The following WDPCP variants were observed in gnomAD, a reference collection of about 807,000 sequenced individuals.
WDPCP encodes WD repeat containing planar cell polarity effector.
Under a neutral mutation model 93.1 loss-of-function variants are expected in WDPCP, and 71 were observed. The ratio of observed to expected loss-of-function variants is 0.76; its 90% CI spans 0.63 to 0.93. The LOEUF is 0.93. Among genes scored for constraint, WDPCP ranks in the 40% least tolerant of loss-of-function variants. The pLI, the probability that WDPCP is intolerant of heterozygous loss-of-function variation, is 0.00. For missense variants in WDPCP, 844 were observed against 887.4 expected (o/e 0.95, Z 0.62); for synonymous variants, 315 against 315.0 (o/e 1.00, Z 0.00).
intron 3 of WDPCP, chr2:63,642,930 C>G (rs1008931525): frequency 2.0e-5 from 3 of 152,198 alleles, no homozygotes; most frequent in Non-Finnish European, 2.9e-5. Flanking sequence ...AGTTTTTCCC[C>G]ATTTAGTATG....
At chr2:63,125,003 C>T (rs1416292464) in intron 17 of WDPCP, among the ~76,000 whole-genome samples, 1 of 152,124 alleles carries the variant, frequency 6.6e-6, no homozygotes, top group East Asian at 1.9e-4. Flanking sequence ...GCTAGTGGTC[C>T]ACCCTATGTG....
At chr2:63,137,681 G>T (rs1670722876) in intron 17 of WDPCP, among the ~76,000 whole-genome samples, 1 of 152,076 alleles carries the variant, frequency 6.6e-6, no homozygotes, top group Non-Finnish European at 1.5e-5. Flanking sequence ...GGTTTTTATA[G>T]TTTTGGGTTT....
In WDPCP at chr2:63,340,457, T is replaced by C. The variant is rs1688759661; in HGVS notation, c.1749-27146A>G. 2.0e-5 allele frequency among the ~76,000 whole-genome samples: 3 copies of C among 152,202 alleles called. No individual in the cohort carries two copies. The South Asian group carries it at 6.2e-4, about 31-fold the overall frequency. ...GGATAGTAGTCCTGCCTACCTACTC[T>C]GTCTCTGCCTCTCCTAAGGGATATT... On this transcript the variant is annotated intron_variant, in intron 12 of 17. Coordinates refer to ENST00000272321, the MANE Select transcript of WDPCP (RefSeq NM_015910.7).
chr2:63,219,214 T>C (rs1677609936), intron 14 of WDPCP, among the ~76,000 whole-genome samples: 1 of 152,208 alleles, frequency 6.6e-6, no homozygotes, highest in Non-Finnish European at 1.5e-5. Flanking sequence ...AGTAGAGGTA[T>C]TATAACCTGA....
At chr2:63,529,943 T>C (rs368956815) in intron 1 of WDPCP, among the ~76,000 whole-genome samples, 42 of 152,280 alleles carry the variant, frequency 2.8e-4, no homozygotes, top group Admixed American at 7.8e-4. Flanking sequence ...TGTATGTGTC[T>C]AGGAATTTAT....
Position 63,621,868 on chromosome 2 carries a change from T to G in WDPCP, n.488+28791A>C, listed in dbSNP as rs1220847657. ...AGCCAGAAGAGGCTGGGGGCCAATA[T>G]TCAACATTCTTTTTTTTTTTTATTA... On this transcript the variant is annotated intron_variant and non_coding_transcript_variant, in intron 3 of 4. Transcript: ENST00000467687. 3.6e-5 allele frequency among the ~76,000 whole-genome samples: 3 copies of G among 82,904 alleles called. No individual in the cohort carries two copies. In the South Asian group the frequency reaches 1.5e-3, roughly 42 times the overall value. The allele number at this position is 82,904 out of a possible 152,430, so 54.4% of individuals were successfully genotyped here. A position where few individuals can be genotyped will look rare whatever the true frequency, so the allele number is the denominator to read the frequency against.
intron 12 of WDPCP, among the ~76,000 whole-genome samples, chr2:63,347,713 T>A (rs1689289730): frequency 7.0e-6 from 1 of 141,900 alleles, no homozygotes; most frequent in African/African-American, 2.7e-5. Context: ...AGAAATAACT[T>A]CTGAGAGGGG....
At chr2:63,176,312 C>T (rs1360405448) in intron 14 of WDPCP, among the ~76,000 whole-genome samples, 1 of 152,108 alleles carries the variant, frequency 6.6e-6, no homozygotes, top group Non-Finnish European at 1.5e-5. Flanking sequence ...GTATCACAAT[C>T]ATGGCTCACT....
chr2:63,829,902 C>T (rs1182306928), upstream of WDPCP, among the ~76,000 whole-genome samples: 1 of 151,658 alleles, frequency 6.6e-6, no homozygotes, highest in Non-Finnish European at 1.5e-5. Context: ...GAAATGTAAG[C>T]CGTGTTATTA....
At chr2:63,705,454 C>T (rs111723912) in intron 2 of WDPCP, among the ~76,000 whole-genome samples, 2,546 of 152,036 alleles carry the variant, frequency 0.017, 22 homozygotes, top group African/African-American at 0.018. Context: ...AATTTCCCTC[C>T]TCACACTGCT....
intron 15 of WDPCP, among the ~76,000 whole-genome samples, chr2:63,164,088 G>C (rs575896350): frequency 6.6e-6 from 1 of 152,086 alleles, no homozygotes; most frequent in Non-Finnish European, 1.5e-5. Context: ...AGGTTTATTT[G>C]TTCTACAATA....
intron 3 of WDPCP, among the ~76,000 whole-genome samples, chr2:63,640,701 T>C (rs1315565072): frequency 6.6e-6 from 1 of 152,156 alleles, no homozygotes; most frequent in Non-Finnish European, 1.5e-5. Flanking sequence ...ACATAGTAAG[T>C]GTATATATTT....
intron 1 of WDPCP, among the ~76,000 whole-genome samples, chr2:63,587,341 CAA>C (rs1393759844): frequency 6.6e-6 from 1 of 151,990 alleles, no homozygotes; most frequent in African/African-American, 2.4e-5. Context: ...GAACCAGTAA[CAA>C]AAGAGGAAAA....
intron 2 of WDPCP, among the ~76,000 whole-genome samples, chr2:63,746,288 T>C (rs1299686166): frequency 1.3e-5 from 2 of 152,210 alleles, no homozygotes; most frequent in African/African-American, 2.4e-5. Context: ...TTTAATCTCT[T>C]AATCCTGTCA....
chr2:63,725,691 CA>C (rs1268126254), intron 2 of WDPCP, among the ~76,000 whole-genome samples: 1 of 152,188 alleles, frequency 6.6e-6, no homozygotes. Context: ...CTTTTCTCCA[CA>C]ACCTTGCCAG....
At chr2:63,798,565 A>C (rs1255892496) in intron 2 of WDPCP, among the ~76,000 whole-genome samples, 1 of 152,136 alleles carries the variant, frequency 6.6e-6, no homozygotes, top group Non-Finnish European at 1.5e-5. Context: ...CAAAACACAT[A>C]TAATGGATAC....
intron 1 of WDPCP, among the ~76,000 whole-genome samples, chr2:63,576,523 C>T (rs150275722): frequency 4.6e-5 from 7 of 152,342 alleles, no homozygotes; most frequent in Non-Finnish European, 8.8e-5. Flanking sequence ...CTGCAGGCAC[C>T]GCCAGCTGTT....
chr2:63,332,148 C>T (rs923561672), intron 12 of WDPCP, among the ~76,000 whole-genome samples: 5 of 150,208 alleles, frequency 3.3e-5, no homozygotes. Flanking sequence ...ATGTTCCAAC[C>T]ATTCTAATAA....
chr2:63,174,650 C>G lies in WDPCP; in HGVS notation c.2078+20G>C. 1.9e-6 allele frequency: 3 copies of G among 1,613,486 alleles called. No homozygotes were observed. Among genetic ancestry groups the G allele is most frequent in the Non-Finnish European group, 2.5e-6 (3 of 1,179,608 alleles). ...ACTAAATACTTTATGGAGCAATTTC[C>G]TCAGTTCAACATTTCTTACCTGTTA... is the stretch of plus-strand genomic sequence containing the variant. On this transcript the variant is annotated intron_variant, in intron 15 of 17. Transcript: ENST00000272321.
Sources: gnomAD v4.1 joint callset for allele counts (sites outside exome capture counted in the v4.1 genomes callset) on GRCh38, gnomAD v4.1.1 for gene constraint, MANE v1.5 for transcripts, NCBI Gene and HGNC (gene_info 2026-07-23, HGNC 2026-07-21) for gene names.